CIB1: variants seen among roughly 807,000 people sequenced by gnomAD.
The protein encoded by CIB1 is calcium and integrin-binding protein 1.
Under a neutral mutation model 25.0 loss-of-function variants are expected in CIB1, and 19 were observed. The ratio of observed to expected loss-of-function variants is 0.76; its 90% CI spans 0.53 to 1.12. CIB1 has a LOEUF of 1.12. Ranked by LOEUF, CIB1 falls within the 50% of genes most tolerant of loss-of-function variation. The pLI is 0.00. For missense variants in CIB1, 236 were observed against 242.6 expected, an observed-to-expected ratio of 0.97 and a Z score of 0.18; for synonymous variants, 104 against 98.5, an observed-to-expected ratio of 1.06 and a Z score of -0.33.
rs1962487360 is a variant in CIB1, at chr15:90,231,410, AAC to A, written c.291_292del (p.Phe98GlnfsTer2). The A allele has an allele frequency of 6.2e-7, 1 of 1,614,222 alleles. No homozygotes were observed. Among genetic ancestry groups the A allele is most frequent in the Non-Finnish European group, 8.5e-7 (1 of 1,180,048 alleles). ...GATGTCTGGCGTGGCTGTGTCACTGAACACACTGAGGAGATCCAGGAAGTCCT... is the reference window on the plus strand; with the variant it reads ...GATGTCTGGCGTGGCTGTGTCACTGAACACTGAGGAGATCCAGGAAGTCCT... On this transcript the variant is annotated frameshift_variant, in exon 4 of 7. Transcript: ENST00000328649. LOFTEE classifies it high-confidence loss of function.
upstream of CIB1, among the ~76,000 whole-genome samples, chr15:90,237,212 GC>G (rs939703251): frequency 6.6e-6 from 1 of 151,260 alleles, no homozygotes; most frequent in African/African-American, 2.4e-5. Context: ...ACCCACCTTG[GC>G]CCCCCAGAGT....
chr15:90,234,047 C>A, upstream of CIB1: 2 of 827,984 alleles, frequency 2.4e-6, no homozygotes, highest in Non-Finnish European at 1.7e-6. Context: ...CGTTCCCAGC[C>A]GGGTTTGGCA....
At chr15:90,250,347 G>A in the CIB1 span, among the ~76,000 whole-genome samples, 3 of 152,146 alleles carry the variant, frequency 2.0e-5, no homozygotes, top group African/African-American at 7.2e-5. Context: ...AACTCCTGAA[G>A]GCACCCCTGT....
the CIB1 span, among the ~76,000 whole-genome samples, chr15:90,247,335 A>G: frequency 5.1e-4 from 64 of 125,664 alleles, no homozygotes; most frequent in Middle Eastern, 0.026. Context: ...GTCTCGCTGT[A>G]TTGCCCAGCC....
At chr15:90,262,709 A>G in the CIB1 span, 1 of 1,443,544 alleles carries the variant, frequency 6.9e-7, no homozygotes, top group Non-Finnish European at 9.1e-7. Context: ...CCACAGGAAA[A>G]TGGGTTGGGA....
chr15:90,262,135 C>T, the CIB1 span: 1 of 1,535,900 alleles, frequency 6.5e-7, no homozygotes, highest in Non-Finnish European at 8.7e-7. Context: ...TCTTCAAGCA[C>T]AATGGCTCCC....
the CIB1 span, chr15:90,241,713 T>C: frequency 1.3e-5 from 21 of 1,614,224 alleles, no homozygotes; most frequent in Non-Finnish European, 1.6e-5. Flanking sequence ...CTTGGAGTCC[T>C]TGATAAGCAG....
the CIB1 span, chr15:90,263,685 A>T: frequency 3.2e-6 from 2 of 615,712 alleles, no homozygotes; most frequent in African/African-American, 3.7e-5. Flanking sequence ...CCTTCTTCCA[A>T]CGCTCCATCC....
the CIB1 span, chr15:90,258,255 C>T: frequency 4.3e-6 from 7 of 1,614,150 alleles, no homozygotes; most frequent in Non-Finnish European, 5.9e-6. Context: ...CAAGTTGAAG[C>T]CCTGGCTGCT....
At chr15:90,257,276 A>C in the CIB1 span, 1 of 1,611,532 alleles carries the variant, frequency 6.2e-7, no homozygotes, top group Non-Finnish European at 8.5e-7. Flanking sequence ...CAGCCATAAC[A>C]ACCTGGTAAG....
In CIB1 at chr15:90,231,337, G is replaced by A. The variant is rs779937416; in HGVS notation, c.346+20C>T. ...ACGTGGGAAGGGGTGGTGTCCTGCC[G>A]GGCTGCTCCTGGTTCTCACCAAAGA... On this transcript the variant is annotated intron_variant, in intron 4 of 6. Coordinates refer to ENST00000328649, the MANE Select transcript of CIB1 (RefSeq NM_006384.4). The A allele has an allele frequency of 5.6e-6, 9 of 1,612,012 alleles. No individual in the cohort carries two copies. Among genetic ancestry groups the A allele is most frequent in the Admixed American group, 3.3e-5 (2 of 59,934 alleles).
chr15:90,235,452 T>A (rs545699594), upstream of CIB1, among the ~76,000 whole-genome samples: 5 of 152,186 alleles, frequency 3.3e-5, no homozygotes, highest in Non-Finnish European at 7.4e-5. Flanking sequence ...AGCTGGAGGT[T>A]GCAGTGAGCG....
chr15:90,263,083 G>C, the CIB1 span: 2 of 1,535,990 alleles, frequency 1.3e-6, no homozygotes, highest in Non-Finnish European at 1.7e-6. Flanking sequence ...GGGTATTGTA[G>C]AGCAGCTCAC....
chr15:90,260,085 A>C, the CIB1 span, among the ~76,000 whole-genome samples: 1 of 152,222 alleles, frequency 6.6e-6, no homozygotes, highest in Non-Finnish European at 1.5e-5. Context: ...TTCCCACAAG[A>C]CTGGACTGTG....
chr15:90,265,602 G>T, the CIB1 span: 1 of 1,444,078 alleles, frequency 6.9e-7, no homozygotes. Context: ...AGTGAAGCGG[G>T]AAATAACTTG....
chr15:90,240,241 C>G, the CIB1 span, among the ~76,000 whole-genome samples: 1 of 150,658 alleles, frequency 6.6e-6, no homozygotes, highest in African/African-American at 2.5e-5. Context: ...GGTGCAGTGG[C>G]TCAGGCCTGT....
At chr15:90,241,230 C>T in the CIB1 span, 2 of 1,614,074 alleles carry the variant, frequency 1.2e-6, no homozygotes, top group East Asian at 4.5e-5. Flanking sequence ...GCAGAGGAGG[C>T]CCCCGCAGAC....
chr15:90,232,468 G>A lies in CIB1; in HGVS notation c.87-141C>T, dbSNP rs4628940. On this transcript the variant is annotated intron_variant, in intron 2 of 6. Coordinates refer to ENST00000328649, the MANE Select transcript of CIB1 (RefSeq NM_006384.4). ...CAGAACTTCCGAGTCATCAGGCAAC[G>A]GTAAGCAAAAGGACATGTCACAAGG... 700,134 of 1,379,812 alleles carry A rather than the reference G, an allele frequency of 0.51. 180,759 individuals are homozygous for A. Among genetic ancestry groups the A allele is most frequent in the East Asian group, 0.78 (29,914 of 38,426 alleles). 85.5% of individuals were successfully genotyped at this position (1,379,812 alleles called of 1,614,324 possible). A position where few individuals can be genotyped will look rare whatever the true frequency, so the allele number is the denominator to read the frequency against.
intron 3 of CIB1, 48 bp downstream of exon 3, chr15:90,232,171 C>G (rs768910503): frequency 6.9e-7 from 1 of 1,458,338 alleles, no homozygotes. Context: ...GGGGGTCTAG[C>G]AGGGAGGGAG....
Sources: gnomAD v4.1 joint callset for allele counts (sites outside exome capture counted in the v4.1 genomes callset) on GRCh38, gnomAD v4.1.1 for gene constraint, MANE v1.5 for transcripts, NCBI Gene and HGNC (gene_info 2026-07-23, HGNC 2026-07-21) for gene names.